RPTOR: variants seen among roughly 807,000 people sequenced by gnomAD.
The protein encoded by RPTOR is regulatory-associated protein of mTOR.
Under a neutral mutation model 169.9 loss-of-function variants are expected in RPTOR, and 21 were observed. The ratio of observed to expected loss-of-function variants is 0.12; its 90% CI spans 0.09 to 0.18. The LOEUF (loss-of-function observed/expected upper bound fraction) is 0.18, where lower values mean the gene tolerates loss of function less well. Ranked by LOEUF, RPTOR falls within the 10% of genes least tolerant of loss-of-function variation. The pLI, the probability that RPTOR is intolerant of heterozygous loss-of-function variation, is 1.00. For missense variants in RPTOR, 1,133 were observed against 1,855.9 expected (o/e 0.61, Z 7.16); for synonymous variants, 732 against 753.2 (o/e 0.97, Z 0.46).
chr17:80,662,758 C>T (rs972189950), intron 3 of RPTOR, among the ~76,000 whole-genome samples: 19 of 152,284 alleles, frequency 1.2e-4, no homozygotes, highest in African/African-American at 3.4e-4. Flanking sequence ...ACATCTACAT[C>T]TTAGCAGAAT....
rs182258711 is a variant in RPTOR at position 80,787,897 on chromosome 17, T to C, written c.831-3553T>C. Reference sequence around the variant, plus strand: ...TCTAGGTTTTCAATCCTGGTTATGATGGATATTGCCCCCACCTTTTTGCTT... The same window carrying C: ...TCTAGGTTTTCAATCCTGGTTATGACGGATATTGCCCCCACCTTTTTGCTT... On this transcript the variant is annotated intron_variant, in intron 6 of 33. Transcript: ENST00000306801. Among the ~76,000 whole-genome samples the C allele has an allele frequency of 5.3e-5, 8 of 152,346 alleles. No homozygotes were observed. In the East Asian group the frequency reaches 1.3e-3, roughly 26 times the overall value.
rs936653713 is a variant in RPTOR, at chr17:80,878,107, G to A, written c.1510-2308G>A. Among the ~76,000 whole-genome samples the A allele has an allele frequency of 4.6e-5, 7 of 152,138 alleles. No individual in the cohort carries two copies. Among genetic ancestry groups the A allele is most frequent in the African/African-American group, 1.2e-4 (5 of 41,422 alleles). ...TCAGGCATCCAGTTCTTAAAATTCC[G>A]GCCCTCTGTCCTTGCATGGCCTTCG... On this transcript the variant is annotated intron_variant, in intron 13 of 33. Transcript: ENST00000306801. The surrounding 1 kb of genome is among the most constrained non-coding windows in gnomAD (Gnocchi z 4.1).
chr17:80,893,498 G>A (rs909294262), intron 19 of RPTOR, among the ~76,000 whole-genome samples: 1 of 147,748 alleles, frequency 6.8e-6, no homozygotes, highest in Non-Finnish European at 1.5e-5. Flanking sequence ...TGTGCGCCAG[G>A]GTGTGTGTGT....
intron 5 of RPTOR, among the ~76,000 whole-genome samples, chr17:80,751,467 A>G (rs1448969458): frequency 1.3e-5 from 2 of 152,146 alleles, no homozygotes; most frequent in African/African-American, 4.8e-5. Context: ...GAAATAGTAT[A>G]TGTGAAGAGC....
At chr17:80,896,828 T>C (rs1439269716) in intron 20 of RPTOR, among the ~76,000 whole-genome samples, 2 of 152,244 alleles carry the variant, frequency 1.3e-5, no homozygotes, top group African/African-American at 4.8e-5. Context: ...AGGGTGTATC[T>C]TTCCATTTAC....
Position 80,947,157 on chromosome 17 carries a change from G to A in RPTOR, c.3141-70G>A. The A allele has an allele frequency of 7.0e-7, 1 of 1,435,508 alleles. No homozygotes were observed. 88.9% of individuals were successfully genotyped at this position (1,435,508 alleles called of 1,614,324 possible). A position where few individuals can be genotyped will look rare whatever the true frequency, so the allele number is the denominator to read the frequency against. On this transcript the variant is annotated intron_variant, in intron 26 of 33. Coordinates refer to ENST00000306801, the MANE Select transcript of RPTOR (RefSeq NM_020761.3). The surrounding 1 kb of genome is among the most constrained non-coding windows in gnomAD (Gnocchi z 4.4). ...TTGATAGCAGCCCGGTGGGTTTCAG[G>A]AGGTATCTCACTGTCATTTGGGTTT...
At chr17:80,732,066 C>G (rs2066397485) in intron 5 of RPTOR, among the ~76,000 whole-genome samples, 1 of 152,260 alleles carries the variant, frequency 6.6e-6, no homozygotes, top group South Asian at 2.1e-4. Context: ...GGCATTTCAT[C>G]TTGGTTTACC....
At chr17:80,831,743 A>T (rs1451440957) in intron 9 of RPTOR, among the ~76,000 whole-genome samples, 2 of 151,422 alleles carry the variant, frequency 1.3e-5, no homozygotes, top group Non-Finnish European at 2.9e-5. Flanking sequence ...GTCACTGTGT[A>T]TCCCTGTGTA....
intron 21 of RPTOR, among the ~76,000 whole-genome samples, chr17:80,920,838 G>A (rs983791767): frequency 6.6e-6 from 1 of 152,256 alleles, no homozygotes; most frequent in African/African-American, 2.4e-5. Context: ...AAAGTTCACA[G>A]TCGAAAACTT....
chr17:80,729,934 A>G (rs565007641), intron 4 of RPTOR, among the ~76,000 whole-genome samples: 70 of 152,324 alleles, frequency 4.6e-4, no homozygotes, highest in African/African-American at 1.6e-3. Flanking sequence ...CTCTGGTTCC[A>G]TGGAGGGAGG....
At chr17:80,693,744 C>T (rs774966971) in intron 3 of RPTOR, among the ~76,000 whole-genome samples, 15 of 152,334 alleles carry the variant, frequency 9.8e-5, no homozygotes, top group Admixed American at 5.2e-4. Context: ...GCAGGGTGGG[C>T]GTCCAGATGG....
At chr17:80,638,772 A>G (rs1304732548) in intron 2 of RPTOR, among the ~76,000 whole-genome samples, 2 of 152,222 alleles carry the variant, frequency 1.3e-5, no homozygotes, top group African/African-American at 4.8e-5. Flanking sequence ...AAAACAGGAC[A>G]TGTTCATCCC....
chr17:80,574,147 T>C (rs916055296), intron 1 of RPTOR, among the ~76,000 whole-genome samples: 1 of 148,570 alleles, frequency 6.7e-6, no homozygotes, highest in African/African-American at 2.6e-5. Flanking sequence ...ATGGTTTTTT[T>C]TTTCTTTTTT....
rs965481996 is a variant in RPTOR, at chr17:80,965,405, T to G, written c.*1075T>G. 10 of 233,178 alleles carry G rather than the reference T, an allele frequency of 4.3e-5. No individual in the cohort carries two copies. Among genetic ancestry groups the G allele is most frequent in the African/African-American group, 2.2e-4 (10 of 45,340 alleles). 14.4% of individuals were successfully genotyped at this position (233,178 alleles called of 1,614,324 possible). A position where few individuals can be genotyped will look rare whatever the true frequency, so the allele number is the denominator to read the frequency against. On this transcript the variant is annotated 3_prime_UTR_variant, in exon 34 of 34. Coordinates refer to ENST00000306801, the MANE Select transcript of RPTOR (RefSeq NM_020761.3). ...TTGAGCCGCCCATGCTGATGCGACC[T>G]CGGCTGACAGCTGGGCCTGTGGTGC... is the stretch of plus-strand genomic sequence containing the variant.
intron 6 of RPTOR, among the ~76,000 whole-genome samples, chr17:80,778,509 T>C (rs1475448996): frequency 6.6e-6 from 1 of 152,196 alleles, no homozygotes; most frequent in Non-Finnish European, 1.5e-5. Context: ...CTTCATCACA[T>C]TTTCCATACA....
At chr17:80,546,570 GCTT>G (rs2084277224) in intron 1 of RPTOR, among the ~76,000 whole-genome samples, 1 of 152,062 alleles carries the variant, frequency 6.6e-6, no homozygotes, top group Non-Finnish European at 1.5e-5. Context: ...GGGTAGTACT[GCTT>G]CTCCTCTATG....
rs1231500599 is a variant in RPTOR, at chr17:80,591,098, TTC to T, written c.163-34587_163-34586del. On this transcript the variant is annotated intron_variant, in intron 1 of 33. Coordinates refer to ENST00000306801, the MANE Select transcript of RPTOR (RefSeq NM_020761.3). ...AGTCACCTCTTGTCAATGTGGATAG[TTC>T]TCTCTTTTAGAATTCTGTACCGTGG... Among the ~76,000 whole-genome samples, 9 of 150,896 alleles carry T rather than the reference TTC, an allele frequency of 6.0e-5. 1 individual carries two copies. Among genetic ancestry groups the T allele is most frequent in the African/African-American group, 2.2e-4 (9 of 41,038 alleles).
rs572618535 is a variant in RPTOR, at chr17:80,921,962, G to A, written c.2521-762G>A. On this transcript the variant is annotated intron_variant, in intron 21 of 33. Coordinates refer to ENST00000306801, the MANE Select transcript of RPTOR (RefSeq NM_020761.3). The stretch of plus-strand genomic sequence containing the variant: ...AGGATGACCACAGCCCCTCGGCCAG[G>A]AGGATGTTAAGGGCGGTCTTGAGTT... Among the ~76,000 whole-genome samples, 3 of 152,190 alleles carry A rather than the reference G, an allele frequency of 2.0e-5. No individual in the cohort carries two copies. The East Asian group carries it at 5.8e-4, about 29-fold the overall frequency.
At chr17:80,838,453 G>A (rs534380272) in intron 10 of RPTOR, among the ~76,000 whole-genome samples, 3 of 152,312 alleles carry the variant, frequency 2.0e-5, no homozygotes, top group Admixed American at 6.5e-5. Context: ...ACCCTACGGC[G>A]GAACCTGGGT....
Sources: gnomAD v4.1 joint callset for allele counts (sites outside exome capture counted in the v4.1 genomes callset) on GRCh38, gnomAD v4.1.1 for gene constraint, Gnocchi (gnomAD v3.1) non-coding constraint, MANE v1.5 for transcripts, NCBI Gene and HGNC (gene_info 2026-07-23, HGNC 2026-07-21) for gene names.